The following ITGAE variants were observed in gnomAD, a reference collection of about 807,000 sequenced individuals.
ITGAE encodes the protein integrin subunit alpha E.
A neutral mutation model predicts 136.5 loss-of-function variants in ITGAE; 99 were observed. The observed-to-expected ratio is 0.73, with a 90% CI of 0.62 to 0.86. The LOEUF (loss-of-function observed/expected upper bound fraction) is 0.86, where lower values mean the gene tolerates loss of function less well. Ranked by LOEUF, ITGAE falls within the 40% of genes least tolerant of loss-of-function variation. ITGAE has a pLI of 0.00. For missense variants in ITGAE, 1,447 were observed against 1,515.3 expected (o/e 0.95, Z 0.75); for synonymous variants, 613 against 591.8 (o/e 1.04, Z -0.52).
intron 1 of ITGAE, among the ~76,000 whole-genome samples, chr17:3,787,210 C>A (rs1597369004): frequency 2.6e-5 from 4 of 151,792 alleles, no homozygotes; most frequent in Admixed American, 2.6e-4. Context: ...CTCCCTGGTT[C>A]AAGCGATTCT....
At chr17:3,758,853 C>T (rs1031357827) in intron 8 of ITGAE, among the ~76,000 whole-genome samples, 9 of 150,256 alleles carry the variant, frequency 6.0e-5, no homozygotes, top group East Asian at 2.0e-4. Context: ...AGGCCGGGCG[C>T]GGTGGCTCAC....
Position 3,728,903 on chromosome 17 carries a change from G to T in ITGAE, c.2912+575C>A, listed in dbSNP as rs968505069. Among the ~76,000 whole-genome samples the T allele has an allele frequency of 7.9e-5, 12 of 151,970 alleles. No homozygotes were observed. The East Asian group carries it at 9.9e-4, about 12-fold the overall frequency. On this transcript the variant is annotated intron_variant, in intron 24 of 30. Transcript: ENST00000263087. ...TTTTAAAAATTAGCTGGGCCTGGTG[G>T]TGTCCACCTGTAGTCTCAACTACTC... is the stretch of plus-strand genomic sequence containing the variant.
Position 3,761,504 on chromosome 17 carries a change from A to C in ITGAE, c.332T>G (p.Leu111Arg). Reference protein sequence around the residue: ...HHGVLICIQVLVRRPHSLSSE... With the variant: ...HHGVLICIQVRVRRPHSLSSE... ...GCTGAGGCTGTGAGGCCGCCGGACC[A>C]GCACTTGAATGCATATCTGTGGGAG... is the stretch of plus-strand genomic sequence containing the variant. The change falls in exon 5 of 31, where the codon CTG (leucine) becomes CGG (arginine). Residue 111 changes from leucine (L) to arginine (R), a missense_variant. By Grantham distance (102) the Leu-to-Arg change is moderately radical. Coordinates refer to ENST00000263087, the MANE Select transcript of ITGAE (RefSeq NM_002208.5). 6.2e-7 allele frequency: 1 copy of C among 1,613,638 alleles called. No homozygotes were observed. The highest frequency in any genetic ancestry group is 1.7e-5 in the Admixed American group (1 of 59,962).
chr17:3,760,197 CTCA>C lies in ITGAE; in HGVS notation c.686_688del (p.Met229del). 6.2e-7 allele frequency: 1 copy of C among 1,612,636 alleles called. No homozygotes were observed. Among genetic ancestry groups the C allele is most frequent in the Non-Finnish European group, 8.5e-7 (1 of 1,178,708 alleles). Reference sequence around the variant, plus strand: ...CTCAAAACACTTTTCATAGAAGTTCCTCATCATGTTGGAGATGAAGTCTTTGGC... The same window carrying C: ...CTCAAAACACTTTTCATAGAAGTTCCTCATGTTGGAGATGAAGTCTTTGGC... On this transcript the variant is annotated inframe_deletion, in exon 7 of 31. Coordinates refer to ENST00000263087, the MANE Select transcript of ITGAE (RefSeq NM_002208.5).
At chr17:3,767,303 G>A (rs1423662966) in intron 2 of ITGAE, among the ~76,000 whole-genome samples, 2 of 152,046 alleles carry the variant, frequency 1.3e-5, no homozygotes, top group Non-Finnish European at 2.9e-5. Flanking sequence ...TCACCATGTT[G>A]GCCAGGCTGG....
At position 3,753,359 on chromosome 17, in the gene ITGAE, C is replaced by T; in HGVS notation, c.1599G>A (p.Leu533=). ...GAACGTGGTAAAATGGAGCAGCCAC[C>T]AGCAAGAAGTCCGTGCTTCCATCCA... is the stretch of plus-strand genomic sequence containing the variant. The part of the protein sequence containing the change: ...IDMDGSTDFL[L]VAAPFYHVHG... The change falls in exon 14 of 31, where the codon CTG becomes CTA. Residue 533 remains leucine (L), a synonymous_variant. Transcript: ENST00000263087. 6.2e-7 allele frequency: 1 copy of T among 1,614,180 alleles called. No homozygotes were observed. The highest frequency in any genetic ancestry group is 8.5e-7 in the Non-Finnish European group (1 of 1,180,022).
At position 3,745,912 on chromosome 17, in the gene ITGAE, A is replaced by T. The variant is rs745947337; in HGVS notation, c.2171T>A (p.Leu724His). Residue 724 changes from leucine (L) to histidine (H), a missense_variant, in exon 18 of 31, where the codon CTT (leucine) becomes CAT (histidine). By Grantham distance (99) the Leu-to-His change is moderately conservative (BLOSUM62 -3). This residue lies in a region of ITGAE where 1,031 missense variants were observed against 1,011.4 expected (regional missense o/e 1.02). Coordinates refer to ENST00000263087, the MANE Select transcript of ITGAE (RefSeq NM_002208.5). The part of the protein sequence containing the change: ...TASESGLREA[L>H]LNFTLDVDVG... ...ATCCACATCCAGCGTGAAGTTGAGA[A>T]GTGCCTCGCGGAGGCCTGGGAATGA... is the stretch of plus-strand genomic sequence containing the variant. The T allele has an allele frequency of 6.2e-7, 1 of 1,613,860 alleles. No individual in the cohort carries two copies. Among genetic ancestry groups the T allele is most frequent in the African/African-American group, 1.3e-5 (1 of 75,034 alleles).
chr17:3,753,558 G>T, intron 13 of ITGAE, 128 bp from the exon 14 acceptor site: 1 of 1,256,058 alleles, frequency 8.0e-7, no homozygotes, highest in Non-Finnish European at 1.1e-6. Context: ...TGCTCACTGA[G>T]AGTAACAGAA....
At chr17:3,757,661 A>G (rs1469199711) in intron 9 of ITGAE, 45 bp downstream of exon 9, 3 of 1,604,056 alleles carry the variant, frequency 1.9e-6, no homozygotes, top group Non-Finnish European at 2.6e-6. Flanking sequence ...TCCCCACCCC[A>G]GGCTGTGCAG....
chr17:3,726,226 C>G lies in ITGAE; in HGVS notation c.3084+1693G>C, dbSNP rs150927181. On this transcript the variant is annotated intron_variant, in intron 26 of 30. Coordinates refer to ENST00000263087, the MANE Select transcript of ITGAE (RefSeq NM_002208.5). ...ATGACCTTCAAGACTAAATGTAACA[C>G]TCCTGCCATGAAGCAAATTAAGAGA... is the stretch of plus-strand genomic sequence containing the variant. 636 of 1,614,160 alleles carry G rather than the reference C, an allele frequency of 3.9e-4. 2 individuals are homozygous for G. In the African/African-American group the frequency reaches 7.0e-3, roughly 18 times the overall value.
In ITGAE at chr17:3,734,779, C is replaced by A. The variant is rs562446617; in HGVS notation, c.2655+38G>T. 2.7e-5 allele frequency: 43 copies of A among 1,612,010 alleles called. 1 individual carries two copies. Among genetic ancestry groups the A allele is most frequent in the Non-Finnish European group, 3.3e-5 (39 of 1,178,790 alleles). ...AAGCAGGCATGCAGCGAGGGAGGGG[C>A]GTGAGGGACCTGTTTCCACAGCCAC... On this transcript the variant is annotated intron_variant, in intron 21 of 30. Coordinates refer to ENST00000263087, the MANE Select transcript of ITGAE (RefSeq NM_002208.5).
chr17:3,762,722 T>C (rs539780506), intron 3 of ITGAE, among the ~76,000 whole-genome samples: 62 of 147,532 alleles, frequency 4.2e-4, no homozygotes, highest in African/African-American at 1.5e-3. Flanking sequence ...CTCAGCCTCC[T>C]GAGTAGCTGG....
intron 19 of ITGAE, among the ~76,000 whole-genome samples, chr17:3,741,070 ATTTTTTTT>A (rs58434003): frequency 1.6e-4 from 12 of 76,786 alleles, no homozygotes; most frequent in Middle Eastern, 0.013. Flanking sequence ...TTTTTGTTGT[ATTTTTTTT>A]TTTTTTTTTT....
At chr17:3,759,023 G>A (rs2052096683) in intron 8 of ITGAE, among the ~76,000 whole-genome samples, 1 of 151,774 alleles carries the variant, frequency 6.6e-6, no homozygotes, top group Admixed American at 6.6e-5. Flanking sequence ...TACTCGGGAG[G>A]CTGAGGCAGG....
intron 1 of ITGAE, among the ~76,000 whole-genome samples, chr17:3,790,948 A>G: frequency 6.6e-6 from 1 of 152,028 alleles, no homozygotes; most frequent in East Asian, 1.9e-4. Flanking sequence ...AGGTCAGGAG[A>G]TCGAGACCGT....
At chr17:3,787,360 C>T (rs1353718294) in intron 1 of ITGAE, among the ~76,000 whole-genome samples, 3 of 152,094 alleles carry the variant, frequency 2.0e-5, no homozygotes, top group Non-Finnish European at 4.4e-5. Context: ...GATCCGCCCA[C>T]CTCAGCCTCC....
intron 16 of ITGAE, among the ~76,000 whole-genome samples, chr17:3,749,891 C>T (rs1476530544): frequency 6.6e-6 from 1 of 151,994 alleles, no homozygotes; most frequent in African/African-American, 2.4e-5. Context: ...TGGCAGACAC[C>T]TGTAATCCCA....
chr17:3,779,435 C>A (rs867675937), intron 1 of ITGAE, among the ~76,000 whole-genome samples: 29 of 151,888 alleles, frequency 1.9e-4, no homozygotes, highest in African/African-American at 6.3e-4. Context: ...TCAAGCGATT[C>A]TCCTGTCTCA....
intron 2 of ITGAE, among the ~76,000 whole-genome samples, chr17:3,764,859 C>G (rs973832062): frequency 6.6e-6 from 1 of 152,154 alleles, no homozygotes; most frequent in Non-Finnish European, 1.5e-5. Flanking sequence ...AACATTCTCA[C>G]CATCCACGTT....
Sources: allele counts gnomAD v4.1 joint callset (sites outside exome capture counted in the v4.1 genomes callset), GRCh38; gene constraint gnomAD v4.1.1; regional missense constraint gnomAD v4.1.1; transcripts MANE v1.5; gene names NCBI Gene and HGNC (gene_info 2026-07-23, HGNC 2026-07-21).